CDH22: variants seen among roughly 807,000 people sequenced by gnomAD.
CDH22 encodes the protein cadherin 22.
CDH22 carries 30 observed loss-of-function variants against 58.4 expected under a neutral mutation model. The observed-to-expected ratio is 0.51, with a 90% CI of 0.38 to 0.70. The LOEUF (loss-of-function observed/expected upper bound fraction) is 0.70. Ranked by LOEUF, CDH22 falls within the 30% of genes least tolerant of loss-of-function variation. The pLI is 0.00. For synonymous variants in CDH22, 513 were observed against 558.2 expected (o/e 0.92, Z 1.14); for missense variants, 1,014 against 1,233.9 (o/e 0.82, Z 2.67).
chr20:46,177,509 C>T (rs2085749639), intron 11 of CDH22, among the ~76,000 whole-genome samples: 2 of 152,060 alleles, frequency 1.3e-5, no homozygotes. Flanking sequence ...AATATCAAAT[C>T]CAAAGATTAT....
intron 5 of CDH22, among the ~76,000 whole-genome samples, chr20:46,215,134 C>T (rs544981024): frequency 1.4e-4 from 22 of 152,312 alleles, no homozygotes; most frequent in East Asian, 7.7e-4. Context: ...AAGATGAGTA[C>T]ATCCCATGAC....
chr20:46,217,145 C>T (rs2086091870), intron 4 of CDH22, 152 bp from the exon 5 acceptor site: 1 of 660,828 alleles, frequency 1.5e-6, no homozygotes, highest in African/African-American at 1.8e-5. Flanking sequence ...ACGTGTCCAC[C>T]ATGTGGGACA....
intron 3 of CDH22, among the ~76,000 whole-genome samples, chr20:46,230,295 T>A (rs943021704): frequency 8.6e-5 from 13 of 152,018 alleles, no homozygotes; most frequent in South Asian, 2.1e-4. Flanking sequence ...TGTTGGTGAG[T>A]CAGCTCTGAG....
intron 8 of CDH22, among the ~76,000 whole-genome samples, chr20:46,196,033 C>A (rs112371833): frequency 6.6e-6 from 1 of 152,104 alleles, no homozygotes; most frequent in African/African-American, 2.4e-5. Flanking sequence ...GCCAAATGGA[C>A]GCTTTGGCAG....
intron 3 of CDH22, among the ~76,000 whole-genome samples, chr20:46,239,624 A>G (rs999543105): frequency 6.6e-6 from 1 of 152,254 alleles, no homozygotes; most frequent in African/African-American, 2.4e-5. Context: ...TGGAAGGTCC[A>G]GAGAGGTACA....
intron 1 of CDH22, among the ~76,000 whole-genome samples, chr20:46,292,241 T>C (rs1050158593): frequency 1.1e-4 from 16 of 152,146 alleles, no homozygotes; most frequent in African/African-American, 3.9e-4. Flanking sequence ...GTGCCAACGA[T>C]ATGGCAGGAG....
At chr20:46,293,544 G>A (rs889852662) in intron 1 of CDH22, among the ~76,000 whole-genome samples, 9 of 152,000 alleles carry the variant, frequency 5.9e-5, no homozygotes, top group African/African-American at 1.2e-4. Flanking sequence ...TCTAATAGTC[G>A]TTTGAGGAAT....
chr20:46,271,276 C>T (rs982942342), intron 1 of CDH22, among the ~76,000 whole-genome samples: 8 of 152,176 alleles, frequency 5.3e-5, no homozygotes, highest in African/African-American at 1.9e-4. Flanking sequence ...CTCTTTGCAA[C>T]AGAGGAAATG....
intron 10 of CDH22, 149 bp downstream of exon 10, chr20:46,186,439 G>A: frequency 1.5e-6 from 1 of 663,002 alleles, no homozygotes; most frequent in East Asian, 2.6e-5. Context: ...AGTGGGCTGG[G>A]TAACAGCTCC....
intron 10 of CDH22, among the ~76,000 whole-genome samples, chr20:46,179,287 C>T (rs917034208): frequency 2.6e-5 from 4 of 152,192 alleles, no homozygotes; most frequent in African/African-American, 4.8e-5. Flanking sequence ...CTTCTCCCCG[C>T]GGTCTTCAGT....
At chr20:46,188,635 A>G (rs1324976065) in intron 8 of CDH22, among the ~76,000 whole-genome samples, 1 of 152,196 alleles carries the variant, frequency 6.6e-6, no homozygotes, top group Non-Finnish European at 1.5e-5. Context: ...ATAACCAGAC[A>G]TTCTCGAAGG....
chr20:46,216,376 T>G lies in CDH22; in HGVS notation c.838+450A>C, dbSNP rs1157926194. On this transcript the variant is annotated intron_variant, in intron 5 of 11. Coordinates refer to ENST00000537909, the MANE Select transcript of CDH22 (RefSeq NM_021248.3). The surrounding 1 kb of genome is among the most constrained non-coding windows in gnomAD (Gnocchi z 5.3). ...TTTCTCTGCACAACCTCTATCTGTC[T>G]GGGGGCTGAGCTGCCTCTGCCTAGA... Among the ~76,000 whole-genome samples, 1 of 152,242 alleles carries G rather than the reference T, an allele frequency of 6.6e-6. No individual in the cohort carries two copies. Among genetic ancestry groups the G allele is most frequent in the Admixed American group, 6.5e-5 (1 of 15,294 alleles).
chr20:46,246,863 G>A (rs900373452), intron 2 of CDH22, among the ~76,000 whole-genome samples: 2 of 152,234 alleles, frequency 1.3e-5, no homozygotes, highest in Non-Finnish European at 2.9e-5. Context: ...AACTGAAACC[G>A]TGGTGAAGTC....
chr20:46,175,905 C>G (rs1211166309), intron 11 of CDH22, among the ~76,000 whole-genome samples: 2 of 152,228 alleles, frequency 1.3e-5, no homozygotes, highest in Non-Finnish European at 2.9e-5. Flanking sequence ...AAGCTAGGAC[C>G]TGGGAAATGT....
rs778020228 is a variant in CDH22, at chr20:46,251,152, C to T, written c.143G>A (p.Gly48Glu). 2 of 1,593,630 alleles carry T rather than the reference C, an allele frequency of 1.3e-6. No homozygotes were observed. Among genetic ancestry groups the T allele is most frequent in the Admixed American group, 1.7e-5 (1 of 57,998 alleles). ...TCCCAGCGCGCCGTCCTGCCGAGCT[C>T]CGGGCGCCGACGGCGAGGGTGTGCC... ...AAGTPSPSAP[G>E]ARQDGALGAG... Residue 48 changes from glycine to glutamate, a missense_variant, in exon 2 of 12, where the codon GGA becomes GAA. Gly to Glu is a moderately conservative substitution (Grantham distance 98, BLOSUM62 -2). Coordinates refer to ENST00000537909, the MANE Select transcript of CDH22 (RefSeq NM_021248.3). This position sits in a 1 kb window ranked among gnomAD's most constrained non-coding sequence, Gnocchi z 6.7.
At chr20:46,223,612 CTT>C (rs2086141628) in intron 4 of CDH22, among the ~76,000 whole-genome samples, 1 of 151,394 alleles carries the variant, frequency 6.6e-6, no homozygotes, top group African/African-American at 2.5e-5. Flanking sequence ...TGATTTCTTT[CTT>C]TTTCTTTCTT....
At chr20:46,307,036 A>T (rs141632195) in intron 1 of CDH22, among the ~76,000 whole-genome samples, 143 of 152,314 alleles carry the variant, frequency 9.4e-4, no homozygotes, top group African/African-American at 3.4e-3. Context: ...CCCTCAAATG[A>T]GCCGCTGCCT....
At chr20:46,280,594 G>A (rs1355322069) in intron 1 of CDH22, among the ~76,000 whole-genome samples, 1 of 152,172 alleles carries the variant, frequency 6.6e-6, no homozygotes, top group African/African-American at 2.4e-5. Context: ...TATGGTCTGG[G>A]GGCTGCCTTC....
intron 1 of CDH22, among the ~76,000 whole-genome samples, chr20:46,305,807 G>T (rs1169841208): frequency 5.9e-5 from 9 of 152,254 alleles, no homozygotes; most frequent in Non-Finnish European, 1.2e-4. Context: ...GAGGAGACGG[G>T]CCCTCCTGGG....
Sources: gnomAD v4.1 joint callset for allele counts (sites outside exome capture counted in the v4.1 genomes callset) on GRCh38, gnomAD v4.1.1 for gene constraint, Gnocchi (gnomAD v3.1) non-coding constraint, MANE v1.5 for transcripts, NCBI Gene and HGNC (gene_info 2026-07-23, HGNC 2026-07-21) for gene names.